Variants in STARD13 observed in about 807,000 individuals in gnomAD.
STARD13 encodes StAR related lipid transfer domain containing 13.
In STARD13, 62 loss-of-function variants were observed where a neutral mutation model predicts 106.4. That is an observed-to-expected ratio of 0.58 (90% CI 0.48 to 0.72). The LOEUF (loss-of-function observed/expected upper bound fraction) is 0.72. STARD13 is among the 30% of genes least tolerant of loss of function. The probability of loss-of-function intolerance (pLI) is 0.00; values close to 1 mark genes in which losing one functional copy is unlikely to be tolerated. For missense variants in STARD13, 1,387 were observed against 1,424.0 expected, an observed-to-expected ratio of 0.97 and a Z score of 0.42; for synonymous variants, 565 against 553.0, an observed-to-expected ratio of 1.02 and a Z score of -0.31.
the STARD13 span, among the ~76,000 whole-genome samples, chr13:33,573,893 G>A: frequency 6.6e-6 from 1 of 151,964 alleles, no homozygotes; most frequent in South Asian, 2.1e-4. Context: ...GTGTACACTG[G>A]TGAACATGAA....
chr13:33,402,918 A>T, the STARD13 span, among the ~76,000 whole-genome samples: 1 of 152,172 alleles, frequency 6.6e-6, no homozygotes, highest in Non-Finnish European at 1.5e-5. Flanking sequence ...CCCCGCATTC[A>T]TCCTTCAAGC....
intron 1 of STARD13, among the ~76,000 whole-genome samples, chr13:33,309,826 A>C (rs1385474875): frequency 2.0e-5 from 3 of 152,170 alleles, no homozygotes; most frequent in Non-Finnish European, 4.4e-5. Flanking sequence ...TTCTGAGTCA[A>C]AGGTTTACCT....
chr13:33,156,412 A>G (rs1280257245), intron 3 of STARD13, among the ~76,000 whole-genome samples: 1 of 152,246 alleles, frequency 6.6e-6, no homozygotes. Context: ...TGGCAAAGAC[A>G]AGAACCTGAA....
chr13:33,460,685 G>A, the STARD13 span, among the ~76,000 whole-genome samples: 1 of 150,794 alleles, frequency 6.6e-6, no homozygotes, highest in Non-Finnish European at 1.5e-5. Flanking sequence ...TCATTAATAT[G>A]CTACATTTTT....
the STARD13 span, among the ~76,000 whole-genome samples, chr13:33,516,199 T>G: frequency 1.4e-5 from 2 of 147,956 alleles, no homozygotes; most frequent in African/African-American, 4.9e-5. Context: ...TTATATATAT[T>G]TATGTCATAA....
the STARD13 span, among the ~76,000 whole-genome samples, chr13:33,387,061 A>G: frequency 6.6e-6 from 1 of 152,164 alleles, no homozygotes; most frequent in African/African-American, 2.4e-5. Context: ...GATGAAGTGC[A>G]GTAGTGCAAC....
chr13:33,293,302 G>A (rs148529631), intron 1 of STARD13, among the ~76,000 whole-genome samples: 1 of 152,238 alleles, frequency 6.6e-6, no homozygotes, highest in South Asian at 2.1e-4. Context: ...GTAAGTCCTG[G>A]CACAGAGTGG....
chr13:33,108,177 A>ATCTC (rs1279008932), intron 12 of STARD13, among the ~76,000 whole-genome samples: 2 of 152,202 alleles, frequency 1.3e-5, no homozygotes, highest in Admixed American at 1.3e-4. Flanking sequence ...ATGAGAGACA[A>ATCTC]ATGCAGCAAT....
chr13:33,167,463 A>C, intron 2 of STARD13, 88 bp downstream of exon 2: 1 of 1,408,194 alleles, frequency 7.1e-7, no homozygotes, highest in Non-Finnish European at 9.9e-7. Context: ...GAGAAAAAAA[A>C]ATCTGGAAGT....
chr13:33,479,787 G>C, the STARD13 span, among the ~76,000 whole-genome samples: 1 of 152,104 alleles, frequency 6.6e-6, no homozygotes, highest in Non-Finnish European at 1.5e-5. Flanking sequence ...ATTCTCGTGA[G>C]ATCTGGTTGT....
chr13:33,192,771 G>A (rs771929726), intron 1 of STARD13, among the ~76,000 whole-genome samples: 5 of 152,142 alleles, frequency 3.3e-5, no homozygotes, highest in African/African-American at 7.2e-5. Context: ...GGTGGTGCAC[G>A]CCTGTAATCC....
At chr13:33,484,555 A>G in the STARD13 span, among the ~76,000 whole-genome samples, 1 of 152,064 alleles carries the variant, frequency 6.6e-6, no homozygotes. Context: ...ACCCAATTAC[A>G]TCCCCAACCA....
chr13:33,321,916 C>G (rs1002458185), intron 1 of STARD13, among the ~76,000 whole-genome samples: 16 of 152,034 alleles, frequency 1.1e-4, no homozygotes, highest in Admixed American at 1.3e-4. Context: ...AATTTTGTTA[C>G]TTTTTCAGTG....
the STARD13 span, among the ~76,000 whole-genome samples, chr13:33,634,329 T>TA: frequency 1.3e-5 from 2 of 152,194 alleles, no homozygotes; most frequent in Non-Finnish European, 2.9e-5. Context: ...ACCTCACAGT[T>TA]AAAGTATGCC....
rs779574172 is a variant in STARD13, at chr13:33,129,157, A to G, written c.1520T>C (p.Val507Ala). 6.2e-7 allele frequency: 1 copy of G among 1,614,092 alleles called. No homozygotes were observed. Among genetic ancestry groups the G allele is most frequent in the Non-Finnish European group, 8.5e-7 (1 of 1,180,048 alleles). ...ATCATGAGTTTGCAGTTCAGGCAAG[A>G]CATCTTTGGACCAGTCATCGACTAC... is the stretch of plus-strand genomic sequence containing the variant. Reference protein sequence around the residue: ...QEVVDDWSKDVLPELQTHDTL... With the variant: ...QEVVDDWSKDALPELQTHDTL... Residue 507 changes from valine (V) to alanine (A), a missense_variant, in exon 5 of 14, where the codon GTC becomes GCC. Val to Ala is a moderately conservative substitution (Grantham distance 64). Transcript: ENST00000336934.
chr13:33,180,913 C>G (rs1885166428), intron 1 of STARD13, among the ~76,000 whole-genome samples: 1 of 152,042 alleles, frequency 6.6e-6, no homozygotes, highest in African/African-American at 2.4e-5. Flanking sequence ...AAGTAAATAT[C>G]GACACATAAT....
rs190853672 is a variant in STARD13, at chr13:33,299,458, A to G, written c.124+50832T>C. Among the ~76,000 whole-genome samples, 204 of 152,344 alleles carry G rather than the reference A, an allele frequency of 1.3e-3. 3 individuals are homozygous for G. The highest frequency in any genetic ancestry group is 4.2e-3 in the Admixed American group (65 of 15,298). On this transcript the variant is annotated intron_variant, in intron 1 of 5. Transcript: ENST00000567873. Reference sequence around the variant, plus strand: ...TTTCCACTAATGCACCTCAAATTCAAATTTTAAAAGGAACTATTAAAGACA... The same window carrying G: ...TTTCCACTAATGCACCTCAAATTCAGATTTTAAAAGGAACTATTAAAGACA...
At chr13:33,602,092 CTT>C in the STARD13 span, among the ~76,000 whole-genome samples, 137 of 136,378 alleles carry the variant, frequency 1.0e-3, 2 homozygotes, top group South Asian at 0.012. Flanking sequence ...TCTAGTAATT[CTT>C]TTTTTTTTTT....
At chr13:33,421,124 G>A in the STARD13 span, among the ~76,000 whole-genome samples, 22 of 152,222 alleles carry the variant, frequency 1.4e-4, no homozygotes, top group Middle Eastern at 3.4e-3. Flanking sequence ...GAAAGAGATA[G>A]ACACAAAAAA....
Sources: gnomAD v4.1 joint callset for allele counts (sites outside exome capture counted in the v4.1 genomes callset) on GRCh38, gnomAD v4.1.1 for gene constraint, MANE v1.5 for transcripts, NCBI Gene and HGNC (gene_info 2026-07-23, HGNC 2026-07-21) for gene names.